SUGT1: variants seen among roughly 807,000 people sequenced by gnomAD.
SUGT1 encodes protein SGT1 homolog.
A neutral mutation model predicts 56.1 loss-of-function variants in SUGT1; 15 were observed. The observed-to-expected ratio is 0.27, with a 90% CI of 0.18 to 0.41. The LOEUF is 0.41. Among genes scored for constraint, SUGT1 ranks in the 10% least tolerant of loss-of-function variants. The pLI is 1.00. For missense variants in SUGT1, 347 were observed against 382.2 expected (o/e 0.91, Z 0.77); for synonymous variants, 123 against 128.6 (o/e 0.96, Z 0.30).
In SUGT1 at chr13:52,666,700, A is replaced by G. The variant is rs41305028; in HGVS notation, c.520-112A>G. 5,041 of 731,974 alleles carry G rather than the reference A, an allele frequency of 6.9e-3. 22 individuals are homozygous for G. The highest frequency in any genetic ancestry group is 8.1e-3 in the Non-Finnish European group (3,568 of 439,852). The allele number at this position is 731,974 out of a possible 1,614,324, so 45.3% of individuals were successfully genotyped here. On this transcript the variant is annotated intron_variant, in intron 9 of 12. Transcript: ENST00000310528. ...TTCTTAAATCTAAAATTCCATATAT[A>G]ATGTTTAAAATAATTTGTAACATTA... is the stretch of plus-strand genomic sequence containing the variant.
At chr13:52,661,085 T>TA (rs1349267844) in intron 5 of SUGT1, among the ~76,000 whole-genome samples, 1 of 152,190 alleles carries the variant, frequency 6.6e-6, no homozygotes, top group Non-Finnish European at 1.5e-5. Flanking sequence ...GTGCTGGGGT[T>TA]ACAGGCATGA....
rs777017779 is a variant in SUGT1 at position 52,658,364 on chromosome 13, A to C, written c.188-35A>C. ...TTGTGTGTATTTGCTAGGATCTATA[A>C]ATAACTGACTAAAAACCCGTCTTTT... On this transcript the variant is annotated intron_variant, in intron 3 of 12. Transcript: ENST00000310528. The C allele has an allele frequency of 5.0e-6, 8 of 1,607,572 alleles. No homozygotes were observed. The East Asian group carries it at 1.3e-4, about 27-fold the overall frequency.
At chr13:52,657,650 C>A in intron 3 of SUGT1, 28 bp downstream of exon 3, 1 of 1,573,666 alleles carries the variant, frequency 6.4e-7, no homozygotes, top group Non-Finnish European at 8.7e-7. Context: ...GTATATTGCC[C>A]CCTTTTAATA....
At position 52,657,463 on chromosome 13, in the gene SUGT1, T is replaced by C. The variant is rs958126539; in HGVS notation, c.97-69T>C. On this transcript the variant is annotated intron_variant, in intron 2 of 12. Transcript: ENST00000310528. The stretch of plus-strand genomic sequence containing the variant: ...GACAATAAGTTACTTGATTAAAAAT[T>C]ATGTTTTAATTAGAATTTGATGGCT... 1.3e-5 allele frequency: 17 copies of C among 1,306,140 alleles called. No individual in the cohort carries two copies. The African/African-American group carries it at 2.4e-4, about 18-fold the overall frequency. 80.9% of individuals were successfully genotyped at this position (1,306,140 alleles called of 1,614,324 possible).
At chr13:52,665,369 A>G (rs182201575) in intron 8 of SUGT1, among the ~76,000 whole-genome samples, 18 of 152,332 alleles carry the variant, frequency 1.2e-4, no homozygotes, top group Admixed American at 1.0e-3. Flanking sequence ...TAAGCACAAC[A>G]GTGCTAGAGA....
intron 10 of SUGT1, among the ~76,000 whole-genome samples, chr13:52,670,367 T>C (rs1166511080): frequency 1.3e-5 from 2 of 152,232 alleles, no homozygotes; most frequent in Admixed American, 1.3e-4. Context: ...AGCCTATTAA[T>C]TTTTTAGAAA....
At chr13:52,668,142 C>G (rs1418640386) in intron 10 of SUGT1, among the ~76,000 whole-genome samples, 1 of 151,912 alleles carries the variant, frequency 6.6e-6, no homozygotes, top group Non-Finnish European at 1.5e-5. Context: ...ACTGCCACGC[C>G]CAGCTAATTT....
In SUGT1 at chr13:52,696,397, A is replaced by C. The variant is rs1752911305; in HGVS notation, c.*8562A>C. 6.6e-6 allele frequency: 1 copy of C among 152,134 alleles called. No individual in the cohort carries two copies. The highest frequency in any genetic ancestry group is 1.5e-5 in the Non-Finnish European group (1 of 68,030). The allele number at this position is 152,134 out of a possible 1,614,324, so 9.4% of individuals were successfully genotyped here. On this transcript the variant is annotated 3_prime_UTR_variant, in exon 13 of 13. Transcript: ENST00000310528. ...CTATTTATGACACCTTCATGGTGTC[A>C]CATGTTATAGGGTTAGTTGCGGCTG...
intron 4 of SUGT1, 99 bp downstream of exon 4, chr13:52,658,567 C>A: frequency 1.8e-6 from 2 of 1,130,528 alleles, no homozygotes; most frequent in Non-Finnish European, 2.5e-6. Context: ...TTGTAAAATT[C>A]TGTATTTATA....
intron 12 of SUGT1, among the ~76,000 whole-genome samples, chr13:52,681,584 T>C (rs1963375929): frequency 1.3e-5 from 2 of 152,084 alleles, no homozygotes; most frequent in South Asian, 2.1e-4. Flanking sequence ...ACAGTTAAGA[T>C]AGGGAACCTT....
At chr13:52,681,836 T>TAAAA (rs35537047) in intron 12 of SUGT1, among the ~76,000 whole-genome samples, 27 of 134,040 alleles carry the variant, frequency 2.0e-4, no homozygotes, top group Admixed American at 1.3e-3. Context: ...CCTATCTCTT[T>TAAAA]AAAAAAAAAA....
intron 12 of SUGT1, among the ~76,000 whole-genome samples, chr13:52,686,018 G>T (rs1313498091): frequency 6.6e-6 from 1 of 152,064 alleles, no homozygotes; most frequent in Non-Finnish European, 1.5e-5. Flanking sequence ...ACCTCTGCCT[G>T]CCAGGTTCAA....
chr13:52,659,321 A>T, intron 5 of SUGT1, 72 bp downstream of exon 5: 3 of 955,824 alleles, frequency 3.1e-6, no homozygotes, highest in Non-Finnish European at 4.4e-6. Context: ...AATTTTGGTA[A>T]TGTTAATTTC....
At chr13:52,659,367 A>G (rs1235297914) in intron 5 of SUGT1, 118 bp downstream of exon 5, 1 of 543,042 alleles carries the variant, frequency 1.8e-6, no homozygotes, top group Non-Finnish European at 3.1e-6. Context: ...TGTTTTTCTC[A>G]TCTAAATTAT....
At chr13:52,669,641 TAAGGATGTGTCCTA>T (rs1962851012) in intron 10 of SUGT1, among the ~76,000 whole-genome samples, 1 of 152,222 alleles carries the variant, frequency 6.6e-6, no homozygotes, top group Admixed American at 6.5e-5. Context: ...ACTTAGATTC[TAAGGATGTGTCCTA>T]AAGAATTATT....
intron 10 of SUGT1, among the ~76,000 whole-genome samples, chr13:52,668,705 G>C (rs1314476842): frequency 6.6e-6 from 1 of 152,004 alleles, no homozygotes; most frequent in Non-Finnish European, 1.5e-5. Flanking sequence ...AGATTTGAGA[G>C]GGATATAGTT....
Position 52,697,941 on chromosome 13 carries a change from C to T in SUGT1, c.*10106C>T, listed in dbSNP as rs1243470940. The T allele has an allele frequency of 7.9e-5, 12 of 152,106 alleles. No individual in the cohort carries two copies. Among genetic ancestry groups the T allele is most frequent in the East Asian group, 1.9e-4 (1 of 5,192 alleles). 9.4% of individuals were successfully genotyped at this position (152,106 alleles called of 1,614,324 possible). On this transcript the variant is annotated 3_prime_UTR_variant, in exon 13 of 13. Coordinates refer to ENST00000310528, the MANE Select transcript of SUGT1 (RefSeq NM_006704.5). ...GCCTGAATACTCAACTTATGTCTGC[C>T]GTTTATTCCTTAACACATTAAACTA...
intron 2 of SUGT1, 65 bp from the exon 3 acceptor site, chr13:52,657,466 GT>G: frequency 7.6e-7 from 1 of 1,322,120 alleles, no homozygotes; most frequent in Non-Finnish European, 1.1e-6. Flanking sequence ...TAAAAATTAT[GT>G]TTTAATTAGA....
At chr13:52,653,882 G>A (rs1566171449) in intron 2 of SUGT1, among the ~76,000 whole-genome samples, 4 of 152,184 alleles carry the variant, frequency 2.6e-5, no homozygotes. Context: ...TTAACAATTT[G>A]AGGCAAGACA....
Sources: allele counts gnomAD v4.1 joint callset (sites outside exome capture counted in the v4.1 genomes callset), GRCh38; gene constraint gnomAD v4.1.1; transcripts MANE v1.5; gene names NCBI Gene and HGNC (gene_info 2026-07-23, HGNC 2026-07-21).